Variants in GPHN observed in about 807,000 individuals in gnomAD.
GPHN encodes gephyrin.
GPHN carries 17 observed loss-of-function variants against 95.5 expected under a neutral mutation model. The ratio of observed to expected loss-of-function variants is 0.18; its 90% CI spans 0.12 to 0.27. GPHN has a LOEUF of 0.27. GPHN is among the 10% of genes least tolerant of loss of function. GPHN has a pLI of 1.00. For missense variants in GPHN, 660 were observed against 978.1 expected, an observed-to-expected ratio of 0.67 and a Z score of 4.34; for synonymous variants, 320 against 322.5, an observed-to-expected ratio of 0.99 and a Z score of 0.08.
At chr14:66,533,824 C>T (rs887133410) in intron 1 of GPHN, among the ~76,000 whole-genome samples, 1 of 152,174 alleles carries the variant, frequency 6.6e-6, no homozygotes, top group Non-Finnish European at 1.5e-5. Flanking sequence ...AGGTGACTAT[C>T]TGGTAATTTG....
At chr14:66,709,422 G>C (rs2069402233) in intron 2 of GPHN, 1 of 455,720 alleles carries the variant, frequency 2.2e-6, no homozygotes, top group Non-Finnish European at 4.4e-6. Context: ...CAAGTACTGC[G>C]ATACCACAAT....
At chr14:67,327,588 C>A in the GPHN span, among the ~76,000 whole-genome samples, 5 of 151,990 alleles carry the variant, frequency 3.3e-5, no homozygotes, top group African/African-American at 9.7e-5. Flanking sequence ...GTGCTGCACC[C>A]GTTAACTCGT....
chr14:67,331,076 A>T, the GPHN span, among the ~76,000 whole-genome samples: 1 of 150,890 alleles, frequency 6.6e-6, no homozygotes, highest in Non-Finnish European at 1.5e-5. Flanking sequence ...ACAGAGTCTC[A>T]CTCTGTCGCC....
At chr14:66,539,662 C>G (rs998305517) in intron 1 of GPHN, among the ~76,000 whole-genome samples, 11 of 152,096 alleles carry the variant, frequency 7.2e-5, no homozygotes, top group African/African-American at 2.7e-4. Flanking sequence ...CTCAGGTGAT[C>G]TGCTCACCTC....
At chr14:66,933,939 G>C (rs1467266301) in intron 8 of GPHN, among the ~76,000 whole-genome samples, 2 of 151,936 alleles carry the variant, frequency 1.3e-5, no homozygotes, top group Non-Finnish European at 2.9e-5. Context: ...AGGAGTTTGA[G>C]ACCAACCCGG....
intron 2 of GPHN, among the ~76,000 whole-genome samples, chr14:66,776,042 T>C (rs2059370745): frequency 6.6e-6 from 1 of 152,160 alleles, no homozygotes; most frequent in Non-Finnish European, 1.5e-5. Context: ...GGCAGAAATA[T>C]GTGAATGCTC....
intron 11 of GPHN, among the ~76,000 whole-genome samples, chr14:67,084,237 A>T (rs2076802138): frequency 6.6e-6 from 1 of 152,244 alleles, no homozygotes; most frequent in Admixed American, 6.5e-5. Context: ...AGTTCCAAAA[A>T]GACAAATCTC....
At chr14:67,131,840 T>G (rs2079736198) in intron 17 of GPHN, among the ~76,000 whole-genome samples, 1 of 152,186 alleles carries the variant, frequency 6.6e-6, no homozygotes, top group Non-Finnish European at 1.5e-5. Flanking sequence ...TTTATATAAT[T>G]CCTCAAACTG....
At chr14:66,981,041 C>A (rs766936726) in intron 9 of GPHN, among the ~76,000 whole-genome samples, 19 of 152,274 alleles carry the variant, frequency 1.2e-4, no homozygotes, top group Non-Finnish European at 2.4e-4. Context: ...AAGAGTGAAA[C>A]TCCGTCTCAA....
At chr14:66,660,001 T>C (rs555695259) in intron 1 of GPHN, among the ~76,000 whole-genome samples, 2 of 152,150 alleles carry the variant, frequency 1.3e-5, no homozygotes, top group African/African-American at 4.8e-5. Context: ...TTTCCTTTCT[T>C]CTTGGGAGTT....
At chr14:66,759,643 A>G (rs1421132795) in intron 2 of GPHN, among the ~76,000 whole-genome samples, 2 of 152,196 alleles carry the variant, frequency 1.3e-5, no homozygotes, top group Non-Finnish European at 1.5e-5. Context: ...TCTGTTGAAG[A>G]TAGCAGAGGG....
chr14:67,286,628 G>A, the GPHN span, among the ~76,000 whole-genome samples: 1 of 151,882 alleles, frequency 6.6e-6, no homozygotes, highest in Non-Finnish European at 1.5e-5. Context: ...GGCCGAGGTG[G>A]GTGGATCGCT....
chr14:66,606,930 A>C (rs144053102), intron 1 of GPHN, among the ~76,000 whole-genome samples: 182 of 151,960 alleles, frequency 1.2e-3, no homozygotes, highest in African/African-American at 4.3e-3. Context: ...AATGTATTTT[A>C]TTTCTTTCTT....
At chr14:67,309,660 A>G in the GPHN span, among the ~76,000 whole-genome samples, 33 of 152,312 alleles carry the variant, frequency 2.2e-4, no homozygotes, top group African/African-American at 7.5e-4. Context: ...TCATAAATGT[A>G]GATATTCCCT....
intron 2 of GPHN, among the ~76,000 whole-genome samples, chr14:66,719,969 T>C (rs2070571426): frequency 6.6e-6 from 1 of 152,226 alleles, no homozygotes; most frequent in Non-Finnish European, 1.5e-5. Flanking sequence ...ATAATTTGAT[T>C]CAATTATCTT....
chr14:66,938,372 C>T (rs2067236318), intron 8 of GPHN, among the ~76,000 whole-genome samples: 1 of 152,148 alleles, frequency 6.6e-6, no homozygotes, highest in Non-Finnish European at 1.5e-5. Context: ...CCTCATGTAT[C>T]CAGAAAATAG....
chr14:67,594,965 G>A, the GPHN span, among the ~76,000 whole-genome samples: 10 of 151,614 alleles, frequency 6.6e-5, no homozygotes, highest in South Asian at 6.2e-4. Flanking sequence ...GTGAAACCCC[G>A]TCTCTACTAA....
chr14:67,430,491 C>T, the GPHN span, among the ~76,000 whole-genome samples: 1 of 152,210 alleles, frequency 6.6e-6, no homozygotes, highest in East Asian at 1.9e-4. Context: ...CGTGGGCTCA[C>T]GTGACTTTGC....
chr14:67,011,436 G>T (rs544051466), intron 9 of GPHN, among the ~76,000 whole-genome samples: 2 of 151,272 alleles, frequency 1.3e-5, no homozygotes, highest in Non-Finnish European at 2.9e-5. Context: ...ATCTCGGGGG[G>T]ATGTCACATG....
Sources: gnomAD v4.1 joint callset for allele counts (sites outside exome capture counted in the v4.1 genomes callset) on GRCh38, gnomAD v4.1.1 for gene constraint, MANE v1.5 for transcripts, NCBI Gene and HGNC (gene_info 2026-07-23, HGNC 2026-07-21) for gene names.